The following NRROS variants were observed in gnomAD, a reference collection of about 807,000 sequenced individuals.
NRROS encodes the protein negative regulator of reactive oxygen species.
Under a neutral mutation model 12.0 loss-of-function variants are expected in NRROS, and 6 were observed. The observed-to-expected ratio is 0.50, with a 90% CI of 0.27 to 0.98. The LOEUF is 0.98. Ranked by LOEUF, NRROS falls within the 50% of genes least tolerant of loss-of-function variation. The pLI, the probability that NRROS is intolerant of heterozygous loss-of-function variation, is 0.11. For synonymous variants in NRROS, 462 were observed against 410.2 expected, an observed-to-expected ratio of 1.13 and a Z score of -1.53; for missense variants, 857 against 888.2, an observed-to-expected ratio of 0.96 and a Z score of 0.45.
intron 1 of NRROS, among the ~76,000 whole-genome samples, chr3:196,646,590 T>C (rs1379645297): frequency 6.6e-6 from 1 of 152,210 alleles, no homozygotes; most frequent in Non-Finnish European, 1.5e-5. Flanking sequence ...GGGAAGCCAG[T>C]TGGCTTATTC....
At position 196,654,675 on chromosome 3, in the gene NRROS, C is replaced by A; in HGVS notation, c.108+28C>A. On this transcript the variant is annotated intron_variant, in intron 2 of 2. Transcript: ENST00000328557. This position sits in a 1 kb window ranked among gnomAD's most constrained non-coding sequence, Gnocchi z 4.4. ...GAGTTTCCCTTGAACCCTGATCTGT[C>A]GGCTGCTCCTGTCCTGACAAGGCTT... The A allele has an allele frequency of 1.4e-6, 2 of 1,382,090 alleles. No individual in the cohort carries two copies. The highest frequency in any genetic ancestry group is 1.2e-5 in the South Asian group (1 of 83,772). 85.6% of individuals were successfully genotyped at this position (1,382,090 alleles called of 1,614,324 possible). A position where few individuals can be genotyped will look rare whatever the true frequency, so the allele number is the denominator to read the frequency against.
chr3:196,660,503 A>C lies in NRROS; in HGVS notation c.860A>C (p.Tyr287Ser). 1 of 1,614,082 alleles carries C rather than the reference A, an allele frequency of 6.2e-7. No homozygotes were observed. Among genetic ancestry groups the C allele is most frequent in the Non-Finnish European group, 8.5e-7 (1 of 1,180,032 alleles). The change falls in exon 3 of 3, where the codon TAC becomes TCC. Residue 287 changes from tyrosine (Y) to serine (S), a missense_variant. Physicochemically the swap from Tyr to Ser is moderately radical, Grantham distance 144. Coordinates refer to ENST00000328557, the MANE Select transcript of NRROS (RefSeq NM_198565.3). The surrounding 1 kb of genome is among the most constrained non-coding windows in gnomAD (Gnocchi z 7.7). The part of the protein sequence containing the change: ...LLLRDNNMGF[Y>S]RDLYNTSSPR... ...CTGCGCGACAACAACATGGGCTTCT[A>C]CCGGGACCTGTACAACACCTCGTCG...
intron 2 of NRROS, among the ~76,000 whole-genome samples, chr3:196,656,002 C>T (rs1402244627): frequency 6.6e-6 from 1 of 152,146 alleles, no homozygotes; most frequent in Non-Finnish European, 1.5e-5. Flanking sequence ...AAAAACCCGT[C>T]TCTACTAAAA....
rs1737504312 is a variant in NRROS at position 196,654,826 on chromosome 3, G to C, written c.108+179G>C. The C allele has an allele frequency of 8.7e-6, 5 of 572,432 alleles. No homozygotes were observed. Among genetic ancestry groups the C allele is most frequent in the Middle Eastern group, 4.6e-4 (1 of 2,170 alleles). 35.5% of individuals were successfully genotyped at this position (572,432 alleles called of 1,614,324 possible). On this transcript the variant is annotated intron_variant, in intron 2 of 2. Coordinates refer to ENST00000328557, the MANE Select transcript of NRROS (RefSeq NM_198565.3). The surrounding 1 kb of genome is among the most constrained non-coding windows in gnomAD (Gnocchi z 4.4). ...CCCTTTAACCACAGGATTTTAAGATGCTTCCTGGGAAGAGCCAGGCAGTCC... is the reference window on the plus strand; with the variant it reads ...CCCTTTAACCACAGGATTTTAAGATCCTTCCTGGGAAGAGCCAGGCAGTCC...
intron 1 of NRROS, among the ~76,000 whole-genome samples, chr3:196,642,843 G>A (rs1188082334): frequency 6.6e-6 from 1 of 152,064 alleles, no homozygotes; most frequent in African/African-American, 2.4e-5. Context: ...AGGCCGAGGC[G>A]GGTGGATCAG....
At position 196,661,249 on chromosome 3, in the gene NRROS, G is replaced by T; in HGVS notation, c.1606G>T (p.Gly536Trp). Residue 536 changes from glycine (G) to tryptophan (W), a missense_variant, in exon 3 of 3, where the codon GGG becomes TGG. Coordinates refer to ENST00000328557, the MANE Select transcript of NRROS (RefSeq NM_198565.3). Reference sequence around the variant, plus strand: ...TATGGCGTTGGACTTCTCTGGGTTTGGGAATCTCAGGGACTTAGATCTGTC... The same window carrying T: ...TATGGCGTTGGACTTCTCTGGGTTTTGGAATCTCAGGGACTTAGATCTGTC... ...SFMALDFSGF[G>W]NLRDLDLSGN... 6.2e-7 allele frequency: 1 copy of T among 1,613,932 alleles called. No individual in the cohort carries two copies.
At chr3:196,642,789 C>T (rs374529786) in intron 1 of NRROS, among the ~76,000 whole-genome samples, 1 of 152,008 alleles carries the variant, frequency 6.6e-6, no homozygotes, top group Non-Finnish European at 1.5e-5. Flanking sequence ...TGGTCACTTT[C>T]GGCCGGGCGC....
At position 196,654,784 on chromosome 3, in the gene NRROS, A is replaced by G. The variant is rs1737504037; in HGVS notation, c.108+137A>G. 4 of 616,758 alleles carry G rather than the reference A, an allele frequency of 6.5e-6. No individual in the cohort carries two copies. The highest frequency in any genetic ancestry group is 1.1e-5 in the Non-Finnish European group (4 of 349,778). 38.2% of individuals were successfully genotyped at this position (616,758 alleles called of 1,614,324 possible). Reference sequence around the variant, plus strand: ...GCATCACTCTGTGCCTGCCTAGCACAGGGGCATGTGCAGCTGCCCTTTAAC... The same window carrying G: ...GCATCACTCTGTGCCTGCCTAGCACGGGGGCATGTGCAGCTGCCCTTTAAC... On this transcript the variant is annotated intron_variant, in intron 2 of 2. Transcript: ENST00000328557. This position sits in a 1 kb window ranked among gnomAD's most constrained non-coding sequence, Gnocchi z 4.4.
At chr3:196,642,561 C>T (rs1737229080) in intron 1 of NRROS, among the ~76,000 whole-genome samples, 1 of 152,256 alleles carries the variant, frequency 6.6e-6, no homozygotes, top group East Asian at 1.9e-4. Flanking sequence ...CTAGCAACTG[C>T]CCGTGGATTG....
intron 1 of NRROS, among the ~76,000 whole-genome samples, chr3:196,640,988 G>A (rs78734466): frequency 0.025 from 3,786 of 152,224 alleles, 79 homozygotes; most frequent in South Asian, 0.09. Context: ...CTGTTCTGTG[G>A]ATGCTGAGGG....
At chr3:196,659,025 A>G (rs1029603934) in intron 2 of NRROS, among the ~76,000 whole-genome samples, 8 of 152,140 alleles carry the variant, frequency 5.3e-5, no homozygotes, top group Non-Finnish European at 1.2e-4. Context: ...ATAACATCCT[A>G]TGGCTGATGG....
rs747340474 is a variant in NRROS at position 196,660,983 on chromosome 3, C to T, written c.1340C>T (p.Ser447Leu). Residue 447 changes from serine to leucine, a missense_variant, in exon 3 of 3, where the codon TCG becomes TTG. Coordinates refer to ENST00000328557, the MANE Select transcript of NRROS (RefSeq NM_198565.3). The surrounding 1 kb of genome is among the most constrained non-coding windows in gnomAD (Gnocchi z 7.7). ...QISLCPLPAASDRVGPPSCVD... is the reference protein window; with the variant it reads ...QISLCPLPAALDRVGPPSCVD... Reference sequence around the variant, plus strand: ...TCACTTTGTCCCCTGCCAGCTGCCTCGGACCGGGTGGGCCCCCCTAGCTGT... The same window carrying T: ...TCACTTTGTCCCCTGCCAGCTGCCTTGGACCGGGTGGGCCCCCCTAGCTGT... 65 of 1,614,052 alleles carry T rather than the reference C, an allele frequency of 4.0e-5. No individual in the cohort carries two copies. In the East Asian group the frequency reaches 5.6e-4, roughly 14 times the overall value.
chr3:196,658,840 T>A (rs57742608), intron 2 of NRROS, among the ~76,000 whole-genome samples: 5 of 151,826 alleles, frequency 3.3e-5, no homozygotes, highest in Admixed American at 6.6e-5. Flanking sequence ...CGTGGTGGCA[T>A]GTGCCTGTAA....
At chr3:196,648,257 A>C (rs1359262466) in intron 1 of NRROS, among the ~76,000 whole-genome samples, 1 of 152,196 alleles carries the variant, frequency 6.6e-6, no homozygotes, top group Admixed American at 6.5e-5. Context: ...CTATTGAGCC[A>C]TTTGAAGGTA....
chr3:196,649,610 T>A (rs1318210315), intron 1 of NRROS, among the ~76,000 whole-genome samples: 1 of 152,204 alleles, frequency 6.6e-6, no homozygotes, highest in African/African-American at 2.4e-5. Context: ...TAGCTGGGAC[T>A]ACAGGCGCCC....
intron 1 of NRROS, among the ~76,000 whole-genome samples, chr3:196,647,554 T>A (rs978501203): frequency 6.6e-6 from 1 of 152,194 alleles, no homozygotes; most frequent in African/African-American, 2.4e-5. Flanking sequence ...CACAATCGGT[T>A]CTTTGCTTTT....
rs758817603 is a variant in NRROS, at chr3:196,660,352, G to A, written c.709G>A (p.Val237Ile). 2.5e-6 allele frequency: 4 copies of A among 1,614,068 alleles called. No homozygotes were observed. Among genetic ancestry groups the A allele is most frequent in the South Asian group, 1.1e-5 (1 of 91,082 alleles). ...RLRVLNVSYN[V>I]LEWFLATGGE... ...GCGGGTCCTCAACGTCAGCTACAAC[G>A]TCCTGGAGTGGTTCCTCGCGACCGG... The change falls in exon 3 of 3, where the codon GTC becomes ATC. Residue 237 changes from valine (V) to isoleucine (I), a missense_variant. By Grantham distance (29) the Val-to-Ile change is conservative (BLOSUM62 3). Coordinates refer to ENST00000328557, the MANE Select transcript of NRROS (RefSeq NM_198565.3). This position sits in a 1 kb window ranked among gnomAD's most constrained non-coding sequence, Gnocchi z 7.7.
Position 196,659,781 on chromosome 3 carries a change from G to A in NRROS, c.138G>A (p.Gln46=). The change falls in exon 3 of 3, where the codon CAG becomes CAA. Residue 46 remains glutamine, a synonymous_variant. Coordinates refer to ENST00000328557, the MANE Select transcript of NRROS (RefSeq NM_198565.3). Reference sequence around the variant, plus strand: ...GTGGAGCCGCTGACTGCCGAGGGCAGAGCCTCGCTTCGGTGCCCAGCAGCC... The same window carrying A: ...GTGGAGCCGCTGACTGCCGAGGGCAAAGCCTCGCTTCGGTGCCCAGCAGCC... The part of the protein sequence containing the change: ...LVGGAADCRG[Q]SLASVPSSLP... 1 of 1,612,668 alleles carries A rather than the reference G, an allele frequency of 6.2e-7. No homozygotes were observed. The highest frequency in any genetic ancestry group is 8.5e-7 in the Non-Finnish European group (1 of 1,179,254).
Position 196,654,074 on chromosome 3 carries a change from G to A in NRROS, c.-13-453G>A, listed in dbSNP as rs990813055. ...AACTCTGGGACAGAGGCCCCCATCC[G>A]TGTTTCCGTCTCCGTCCACTCTCCA... On this transcript the variant is annotated intron_variant, in intron 1 of 2. Coordinates refer to ENST00000328557, the MANE Select transcript of NRROS (RefSeq NM_198565.3). The surrounding 1 kb of genome is among the most constrained non-coding windows in gnomAD (Gnocchi z 4.4). Among the ~76,000 whole-genome samples the A allele has an allele frequency of 3.3e-5, 5 of 152,110 alleles. No individual in the cohort carries two copies. Among genetic ancestry groups the A allele is most frequent in the African/African-American group, 4.8e-5 (2 of 41,406 alleles).
Sources: gnomAD v4.1 joint callset for allele counts (sites outside exome capture counted in the v4.1 genomes callset) on GRCh38, gnomAD v4.1.1 for gene constraint, Gnocchi (gnomAD v3.1) non-coding constraint, MANE v1.5 for transcripts, NCBI Gene and HGNC (gene_info 2026-07-23, HGNC 2026-07-21) for gene names.